The following DENND1B variants were observed in gnomAD, a reference collection of about 807,000 sequenced individuals.
DENND1B encodes DENN domain-containing protein 1B.
A neutral mutation model predicts 90.1 loss-of-function variants in DENND1B; 59 were observed. The ratio of observed to expected loss-of-function variants is 0.65; its 90% confidence interval spans 0.53 to 0.81. The LOEUF (loss-of-function observed/expected upper bound fraction) is 0.81. Ranked by LOEUF, DENND1B falls within the 40% of genes least tolerant of loss-of-function variation. DENND1B has a pLI of 0.00. For missense variants in DENND1B, 862 were observed against 912.6 expected (o/e 0.94, Z 0.71); for synonymous variants, 337 against 324.6 (o/e 1.04, Z -0.41).
chr1:197,611,930 C>T lies in DENND1B; in HGVS notation c.819+1G>A, dbSNP rs1348124246. 1.2e-6 allele frequency: 2 copies of T among 1,603,096 alleles called. No individual in the cohort carries two copies. On this transcript the variant is annotated splice_donor_variant, in intron 12 of 22. Coordinates refer to ENST00000620048, the MANE Select transcript of DENND1B (RefSeq NM_001195215.2). LOFTEE classifies it high-confidence loss of function. Reference sequence around the variant, plus strand: ...CTGTCTCATGTCTGAAAGATACTCACCTCTATGAGGCTGGAGTGTATTCCA... The same window carrying T: ...CTGTCTCATGTCTGAAAGATACTCATCTCTATGAGGCTGGAGTGTATTCCA...
intron 15 of DENND1B, among the ~76,000 whole-genome samples, chr1:197,578,980 T>A (rs1673951446): frequency 1.3e-5 from 2 of 152,198 alleles, no homozygotes; most frequent in Non-Finnish European, 1.5e-5. Flanking sequence ...CCCAGGCTGG[T>A]TAGACCTCTT....
chr1:197,694,972 T>C (rs1658281103), intron 3 of DENND1B, among the ~76,000 whole-genome samples: 1 of 151,260 alleles, frequency 6.6e-6, no homozygotes, highest in African/African-American at 2.4e-5. Context: ...AGATGAAATA[T>C]TCCAGCAAAT....
chr1:197,581,177 T>C (rs182767280), intron 15 of DENND1B, among the ~76,000 whole-genome samples: 185 of 152,344 alleles, frequency 1.2e-3, no homozygotes, highest in Non-Finnish European at 2.2e-3. Flanking sequence ...TGTGTTAGTT[T>C]TTTACCAATT....
intron 10 of DENND1B, among the ~76,000 whole-genome samples, chr1:197,631,562 T>C (rs1488860286): frequency 1.3e-5 from 2 of 152,024 alleles, no homozygotes; most frequent in Non-Finnish European, 2.9e-5. Flanking sequence ...TTTGAAATCA[T>C]AATTTAAAAT....
chr1:197,623,689 T>C (rs141725202), intron 10 of DENND1B, among the ~76,000 whole-genome samples: 76 of 151,630 alleles, frequency 5.0e-4, no homozygotes, highest in African/African-American at 1.8e-3. Context: ...CCTCCATTAT[T>C]AACATACCCA....
At chr1:197,523,154 A>C (rs1184772732) in intron 20 of DENND1B, among the ~76,000 whole-genome samples, 2 of 152,086 alleles carry the variant, frequency 1.3e-5, no homozygotes, top group African/African-American at 4.8e-5. Context: ...AGTCCCAATG[A>C]CCTTTGAGGA....
At position 197,545,915 on chromosome 1, in the gene DENND1B, A is replaced by T. The variant is rs771195794; in HGVS notation, c.1350+7T>A. On this transcript the variant is annotated splice_region_variant and intron_variant, in intron 18 of 22. Coordinates refer to ENST00000620048, the MANE Select transcript of DENND1B (RefSeq NM_001195215.2). ...AAATAGGATTGTTAAATATCAAAAA[A>T]ACTTACAAATTTATATGCTGTCCGT... 6 of 1,598,548 alleles carry T rather than the reference A, an allele frequency of 3.8e-6. No individual in the cohort carries two copies. In the Admixed American group the frequency reaches 1.1e-4, roughly 29 times the overall value.
At chr1:197,736,039 A>G in intron 2 of DENND1B, 1 of 918,876 alleles carries the variant, frequency 1.1e-6, no homozygotes, top group Non-Finnish European at 1.8e-6. Context: ...GGCACCTACA[A>G]AGGCAGCACC....
intron 20 of DENND1B, among the ~76,000 whole-genome samples, chr1:197,535,846 T>C (rs1423183026): frequency 6.6e-6 from 1 of 152,148 alleles, no homozygotes. Context: ...AGGAACTGGA[T>C]TCTAGAATTA....
intron 20 of DENND1B, among the ~76,000 whole-genome samples, chr1:197,515,662 A>T (rs1171687268): frequency 6.6e-6 from 1 of 151,800 alleles, no homozygotes; most frequent in African/African-American, 2.4e-5. Flanking sequence ...ATACATACTC[A>T]ACAGTGTTTA....
At chr1:197,740,707 G>T (rs1663133579) in intron 2 of DENND1B, among the ~76,000 whole-genome samples, 1 of 152,094 alleles carries the variant, frequency 6.6e-6, no homozygotes, top group South Asian at 2.1e-4. Flanking sequence ...CTTGAGTCAA[G>T]AAAGGAAAAA....
At chr1:197,565,359 T>C (rs1417650969) in intron 15 of DENND1B, among the ~76,000 whole-genome samples, 1 of 152,074 alleles carries the variant, frequency 6.6e-6, no homozygotes, top group Non-Finnish European at 1.5e-5. Flanking sequence ...CAGGATCTCA[T>C]AGAATTTCCA....
chr1:197,646,324 G>A (rs1247384059), intron 8 of DENND1B, among the ~76,000 whole-genome samples: 1 of 151,756 alleles, frequency 6.6e-6, no homozygotes, highest in Non-Finnish European at 1.5e-5. Flanking sequence ...TAAACACGTA[G>A]TAATCCCAAA....
chr1:197,724,583 G>A (rs775477391), intron 2 of DENND1B, among the ~76,000 whole-genome samples: 1 of 151,860 alleles, frequency 6.6e-6, no homozygotes, highest in Non-Finnish European at 1.5e-5. Context: ...AACATAAATG[G>A]GTAATTCAAA....
At chr1:197,597,138 T>C (rs1675772810) in intron 13 of DENND1B, among the ~76,000 whole-genome samples, 1 of 151,592 alleles carries the variant, frequency 6.6e-6, no homozygotes, top group Non-Finnish European at 1.5e-5. Flanking sequence ...TTAAGAGGGA[T>C]TTTTATTATT....
chr1:197,750,960 C>T (rs557110818), intron 2 of DENND1B, among the ~76,000 whole-genome samples: 1 of 152,214 alleles, frequency 6.6e-6, no homozygotes, highest in East Asian at 1.9e-4. Context: ...CCTGACAGCA[C>T]TAAAGGAGGG....
intron 2 of DENND1B, among the ~76,000 whole-genome samples, chr1:197,729,978 C>T (rs945930778): frequency 6.6e-6 from 1 of 152,050 alleles, no homozygotes; most frequent in African/African-American, 2.4e-5. Context: ...TAATGCCTCA[C>T]TACTACGAAA....
chr1:197,510,577 T>G lies in DENND1B; in HGVS notation c.2211A>C (p.Lys737Asn), dbSNP rs1372001031. ...VPWEKEGKEAKETSEDIGLLH... is the reference protein window; with the variant it reads ...VPWEKEGKEANETSEDIGLLH... ...GCAGTCCAATATCTTCTGAAGTCTCTTTGGCTTCTTTCCCTTCTTTCTCCC... is the reference window on the plus strand; with the variant it reads ...GCAGTCCAATATCTTCTGAAGTCTCGTTGGCTTCTTTCCCTTCTTTCTCCC... Residue 737 changes from lysine to asparagine, a missense_variant, in exon 23 of 23, where the codon AAA becomes AAC. Physicochemically the swap from Lys to Asn is moderately conservative, Grantham distance 94. Coordinates refer to ENST00000620048, the MANE Select transcript of DENND1B (RefSeq NM_001195215.2). The G allele has an allele frequency of 6.2e-7, 1 of 1,612,752 alleles. No homozygotes were observed. The highest frequency in any genetic ancestry group is 2.2e-5 in the East Asian group (1 of 44,830).
chr1:197,772,832 G>A, intron 2 of DENND1B, 36 bp downstream of exon 2: 2 of 1,521,896 alleles, frequency 1.3e-6, no homozygotes, highest in African/African-American at 2.8e-5. Flanking sequence ...AAAAAAAAGA[G>A]ACCTTGTCAA....
Sources: allele counts gnomAD v4.1 joint callset (sites outside exome capture counted in the v4.1 genomes callset), GRCh38; gene constraint gnomAD v4.1.1; transcripts MANE v1.5; gene names NCBI Gene and HGNC (gene_info 2026-07-23, HGNC 2026-07-21).